Variants in ADCY1 observed in about 807,000 individuals in gnomAD.
ADCY1 encodes the protein adenylate cyclase type 1.
In ADCY1, 28 loss-of-function variants were observed where a neutral mutation model predicts 105.4. That is an observed-to-expected ratio of 0.27 (90% confidence interval 0.20 to 0.36). ADCY1 has a LOEUF of 0.36. Ranked by LOEUF, ADCY1 falls within the 10% of genes least tolerant of loss-of-function variation. The probability of loss-of-function intolerance (pLI) is 1.00; values close to 1 mark genes in which losing one functional copy is unlikely to be tolerated. For missense variants in ADCY1, 977 were observed against 1,434.2 expected (o/e 0.68, Z 5.15); for synonymous variants, 655 against 623.8 (o/e 1.05, Z -0.75).
At chr7:45,665,088 T>C (rs904423485) in intron 8 of ADCY1, among the ~76,000 whole-genome samples, 2 of 152,226 alleles carry the variant, frequency 1.3e-5, no homozygotes, top group Admixed American at 1.3e-4. Context: ...GCTTCATCCA[T>C]GTCCCTGCAA....
At chr7:45,688,804 A>G (rs1367800090) in intron 14 of ADCY1, among the ~76,000 whole-genome samples, 2 of 151,824 alleles carry the variant, frequency 1.3e-5, no homozygotes, top group East Asian at 3.8e-4. Flanking sequence ...TTTTCAGTAT[A>G]CTCACAGTCC....
Position 45,710,748 on chromosome 7 carries a change from C to T in ADCY1, c.3057+96C>T. 1.4e-6 allele frequency: 2 copies of T among 1,450,192 alleles called. No individual in the cohort carries two copies. The highest frequency in any genetic ancestry group is 9.2e-7 in the Non-Finnish European group (1 of 1,086,168). The allele number at this position is 1,450,192 out of a possible 1,614,324, so 89.8% of individuals were successfully genotyped here. On this transcript the variant is annotated intron_variant, in intron 19 of 19. Coordinates refer to ENST00000297323, the MANE Select transcript of ADCY1 (RefSeq NM_021116.4). This position sits in a 1 kb window ranked among gnomAD's most constrained non-coding sequence, Gnocchi z 4.7. Reference sequence around the variant, plus strand: ...CCAGAATTGAATCCCCAGTCTACAGCCCGTAAGTGGCAGGGCAGAAAGAGC... The same window carrying T: ...CCAGAATTGAATCCCCAGTCTACAGTCCGTAAGTGGCAGGGCAGAAAGAGC...
Position 45,657,889 on chromosome 7 carries a change from A to C in ADCY1, c.1307+4A>C. 7.3e-6 allele frequency: 6 copies of C among 817,990 alleles called. No individual in the cohort carries two copies. In the South Asian group the frequency reaches 8.3e-5, roughly 11 times the overall value. 50.7% of individuals were successfully genotyped at this position (817,990 alleles called of 1,614,324 possible). The stretch of plus-strand genomic sequence containing the variant: ...TGGAAGCCGCTGGCCTGCCAGGGTA[A>C]GTCGGGGATGGGGTGGGGAGGGGAG... On this transcript the variant is annotated splice_donor_region_variant and intron_variant, in intron 6 of 19. Coordinates refer to ENST00000297323, the MANE Select transcript of ADCY1 (RefSeq NM_021116.4).
intron 8 of ADCY1, among the ~76,000 whole-genome samples, chr7:45,677,483 CTTAG>C (rs971581079): frequency 3.3e-5 from 5 of 152,298 alleles, no homozygotes; most frequent in African/African-American, 1.2e-4. Context: ...GTTTCTCTCT[CTTAG>C]AAGGAGGGGG....
At chr7:45,655,495 G>A (rs577560089) in intron 5 of ADCY1, among the ~76,000 whole-genome samples, 1 of 152,354 alleles carries the variant, frequency 6.6e-6, no homozygotes, top group East Asian at 1.9e-4. Context: ...GGATTTAGAC[G>A]AAGCCAGCTT....
At chr7:45,609,519 T>C (rs896833732) in intron 2 of ADCY1, among the ~76,000 whole-genome samples, 2 of 152,346 alleles carry the variant, frequency 1.3e-5, no homozygotes, top group South Asian at 2.1e-4. Context: ...CGCTTGTCAG[T>C]GGGATGTTCT....
chr7:45,689,313 A>G lies in ADCY1; in HGVS notation c.2454+2640A>G, dbSNP rs145482112. Among the ~76,000 whole-genome samples, 811 of 152,230 alleles carry G rather than the reference A, an allele frequency of 5.3e-3. 5 individuals are homozygous for G. The highest frequency in any genetic ancestry group is 0.012 in the Admixed American group (185 of 15,288). On this transcript the variant is annotated intron_variant, in intron 14 of 19. Coordinates refer to ENST00000297323, the MANE Select transcript of ADCY1 (RefSeq NM_021116.4). ...TGCATTAAGCTGTTCTTGCACTGCTATAAAGGAATATCAGAGACTGGGTTA... is the reference window on the plus strand; with the variant it reads ...TGCATTAAGCTGTTCTTGCACTGCTGTAAAGGAATATCAGAGACTGGGTTA...
At chr7:45,589,532 C>T (rs1486847183) in intron 1 of ADCY1, among the ~76,000 whole-genome samples, 1 of 152,182 alleles carries the variant, frequency 6.6e-6, no homozygotes, top group Non-Finnish European at 1.5e-5. Flanking sequence ...CTAAATGCCC[C>T]TCTAGCCGTG....
At chr7:45,620,368 G>A (rs1169450330) in intron 3 of ADCY1, among the ~76,000 whole-genome samples, 2 of 152,012 alleles carry the variant, frequency 1.3e-5, no homozygotes, top group Non-Finnish European at 2.9e-5. Flanking sequence ...TTGATAGCTC[G>A]ATTATCCAGT....
At chr7:45,648,144 CTGCCTCCTGGGAGTG>C (rs1485513712) in intron 4 of ADCY1, among the ~76,000 whole-genome samples, 1 of 152,230 alleles carries the variant, frequency 6.6e-6, no homozygotes, top group South Asian at 2.1e-4. Flanking sequence ...CCAGTGCCTT[CTGCCTCCTGGGAGTG>C]TGCCCTGTGG....
At chr7:45,656,248 A>G (rs1794940765) in intron 5 of ADCY1, among the ~76,000 whole-genome samples, 1 of 151,946 alleles carries the variant, frequency 6.6e-6, no homozygotes. Context: ...GCTTGCAGTG[A>G]GGGGAGATAG....
chr7:45,682,058 T>A (rs998728134), intron 11 of ADCY1, among the ~76,000 whole-genome samples: 7 of 152,106 alleles, frequency 4.6e-5, no homozygotes, highest in Non-Finnish European at 1.0e-4. Context: ...AGGGTTGCCC[T>A]CTGTGAAATG....
intron 1 of ADCY1, 73 bp from the exon 2 acceptor site, chr7:45,592,686 T>C: frequency 1.9e-6 from 3 of 1,594,412 alleles, no homozygotes; most frequent in Non-Finnish European, 1.7e-6. Context: ...TGCTATGCTC[T>C]CCGGGCGGCC....
At chr7:45,620,071 A>C (rs944740698) in intron 3 of ADCY1, among the ~76,000 whole-genome samples, 7 of 152,262 alleles carry the variant, frequency 4.6e-5, no homozygotes, top group African/African-American at 1.7e-4. Flanking sequence ...GCCTTAAAAA[A>C]GGAAATTCTT....
chr7:45,641,240 G>C (rs1794518028), intron 4 of ADCY1, among the ~76,000 whole-genome samples: 1 of 152,130 alleles, frequency 6.6e-6, no homozygotes, highest in African/African-American at 2.4e-5. Context: ...CCAGGCAGCT[G>C]CAAGGACTGC....
chr7:45,688,236 T>A (rs1784724696), intron 14 of ADCY1, among the ~76,000 whole-genome samples: 1 of 152,222 alleles, frequency 6.6e-6, no homozygotes, highest in African/African-American at 2.4e-5. Flanking sequence ...TCTGTCTTTC[T>A]GCTTCAGCAG....
chr7:45,711,826 A>G (rs892884600), intron 19 of ADCY1, among the ~76,000 whole-genome samples: 2 of 119,840 alleles, frequency 1.7e-5, no homozygotes, highest in African/African-American at 3.1e-5. Flanking sequence ...ATGTACTTTT[A>G]AAATATACAA....
intron 14 of ADCY1, among the ~76,000 whole-genome samples, chr7:45,693,802 C>T (rs1176953017): frequency 7.0e-6 from 1 of 143,640 alleles, no homozygotes; most frequent in African/African-American, 2.6e-5. Flanking sequence ...ATGATGAGTT[C>T]ATATCCTTTG....
In ADCY1 at chr7:45,591,987, G is replaced by A. The variant is rs868376426; in HGVS notation, c.640-772G>A. Among the ~76,000 whole-genome samples the A allele has an allele frequency of 2.6e-5, 4 of 152,024 alleles. No homozygotes were observed. The highest frequency in any genetic ancestry group is 9.7e-5 in the African/African-American group (4 of 41,370). On this transcript the variant is annotated intron_variant, in intron 1 of 19. Coordinates refer to ENST00000297323, the MANE Select transcript of ADCY1 (RefSeq NM_021116.4). This position sits in a 1 kb window ranked among gnomAD's most constrained non-coding sequence, Gnocchi z 4.1. ...GCAGAGACCGGGCTCTGGACACTGCGTTTCCCCATCTTGTGCTGGTGCTCA... is the reference window on the plus strand; with the variant it reads ...GCAGAGACCGGGCTCTGGACACTGCATTTCCCCATCTTGTGCTGGTGCTCA...
Sources: gnomAD v4.1 joint callset for allele counts (sites outside exome capture counted in the v4.1 genomes callset) on GRCh38, gnomAD v4.1.1 for gene constraint, Gnocchi (gnomAD v3.1) non-coding constraint, MANE v1.5 for transcripts, NCBI Gene and HGNC (gene_info 2026-07-23, HGNC 2026-07-21) for gene names.